Variants in PTPRD observed in about 807,000 individuals in gnomAD.
PTPRD encodes the protein receptor-type tyrosine-protein phosphatase delta.
A neutral mutation model predicts 214.5 loss-of-function variants in PTPRD; 34 were observed. That is an observed-to-expected ratio of 0.16 (90% CI 0.12 to 0.21). PTPRD has a LOEUF of 0.21. Ranked by LOEUF, PTPRD falls within the 10% of genes least tolerant of loss-of-function variation. The pLI is 1.00. For missense variants in PTPRD, 2,545 were observed against 2,398.7 expected, an observed-to-expected ratio of 1.06 and a Z score of -1.27; for synonymous variants, 1,128 against 845.7, an observed-to-expected ratio of 1.33 and a Z score of -5.79.
In PTPRD at chr9:10,385,587, G is replaced by T. The variant is rs111236856; in HGVS notation, c.-599-44570C>A. Among the ~76,000 whole-genome samples, 321 of 151,822 alleles carry T rather than the reference G, an allele frequency of 2.1e-3. 1 individual carries two copies. Among genetic ancestry groups the T allele is most frequent in the African/African-American group, 7.4e-3 (307 of 41,478 alleles). On this transcript the variant is annotated intron_variant, in intron 2 of 45. Transcript: ENST00000381196. ...GAAAGATGTTATTGTGGAATATGAA[G>T]GGCTTTTTTCTCGGAGAGTCCTGAC...
At chr9:8,462,348 T>C (rs2134263874) in intron 32 of PTPRD, among the ~76,000 whole-genome samples, 1 of 152,116 alleles carries the variant, frequency 6.6e-6, no homozygotes, top group East Asian at 1.9e-4. Context: ...GCCACTTTTC[T>C]TTAGGCCCTT....
chr9:9,721,060 A>T (rs2097929488), intron 7 of PTPRD, among the ~76,000 whole-genome samples: 1 of 152,162 alleles, frequency 6.6e-6, no homozygotes, highest in Non-Finnish European at 1.5e-5. Flanking sequence ...TAGGTGATAA[A>T]ATAATCTGTA....
intron 44 of PTPRD, among the ~76,000 whole-genome samples, chr9:8,330,889 C>CTAAAATATATTAGTTT (rs1554698784): frequency 3.3e-5 from 5 of 150,004 alleles, no homozygotes; most frequent in Non-Finnish European, 5.9e-5. Context: ...TGCCAGAACC[C>CTAAAATATATTAGTTT]TAAAATATAT....
intron 5 of PTPRD, among the ~76,000 whole-genome samples, chr9:9,935,412 A>G (rs2088830284): frequency 1.3e-5 from 2 of 152,100 alleles, no homozygotes; most frequent in Admixed American, 6.5e-5. Context: ...AAAAATCACA[A>G]GCATTCTTAT....
At chr9:10,072,046 G>C (rs2098030794) in intron 3 of PTPRD, among the ~76,000 whole-genome samples, 1 of 151,730 alleles carries the variant, frequency 6.6e-6, no homozygotes, top group South Asian at 2.1e-4. Flanking sequence ...ATTATACTCT[G>C]TAAAAGAGAA....
At position 10,123,645 on chromosome 9, in the gene PTPRD, C is replaced by T. The variant is rs558814818; in HGVS notation, c.-544-89855G>A. ...GGACTTTTAAAAGATGAGGGAAAAA[C>T]GTGGGCAGATCAATAAAAGAACACC... On this transcript the variant is annotated intron_variant, in intron 3 of 45. Coordinates refer to ENST00000381196, the MANE Select transcript of PTPRD (RefSeq NM_002839.4). 4.6e-5 allele frequency among the ~76,000 whole-genome samples: 7 copies of T among 152,136 alleles called. No homozygotes were observed. In the East Asian group the frequency reaches 5.8e-4, roughly 13 times the overall value.
At chr9:9,553,735 T>C (rs1289526415) in intron 8 of PTPRD, among the ~76,000 whole-genome samples, 2 of 152,024 alleles carry the variant, frequency 1.3e-5, no homozygotes, top group Non-Finnish European at 2.9e-5. Flanking sequence ...AGGAAGAAAA[T>C]ATTAAGTTTT....
intron 2 of PTPRD, among the ~76,000 whole-genome samples, chr9:10,507,354 A>C (rs896442342): frequency 6.6e-6 from 1 of 152,106 alleles, no homozygotes; most frequent in Non-Finnish European, 1.5e-5. Flanking sequence ...AATCAATATC[A>C]TGAAAATGGC....
rs937279004 is a variant in PTPRD, at chr9:8,316,382, T to G, written c.*1492A>C. ...AAACTAAAACCAAAACGAAACAAAG[T>G]ACAGCACTTCCCAGGAATGCTGTAT... On this transcript the variant is annotated 3_prime_UTR_variant, in exon 46 of 46. Transcript: ENST00000381196. 1.0e-4 allele frequency: 24 copies of G among 231,480 alleles called. No homozygotes were observed. The highest frequency in any genetic ancestry group is 3.8e-4 in the African/African-American group (17 of 45,188). The allele number at this position is 231,480 out of a possible 1,614,324, so 14.3% of individuals were successfully genotyped here.
chr9:9,071,596 A>C (rs1486586829), intron 10 of PTPRD, among the ~76,000 whole-genome samples: 1 of 152,128 alleles, frequency 6.6e-6, no homozygotes, highest in Non-Finnish European at 1.5e-5. Context: ...CAATCAGCAA[A>C]GGGTGGGGGC....
At chr9:9,663,739 C>A (rs899673379) in intron 7 of PTPRD, among the ~76,000 whole-genome samples, 1 of 151,536 alleles carries the variant, frequency 6.6e-6, no homozygotes, top group East Asian at 1.9e-4. Context: ...GAACTTCACA[C>A]AGCTGTATTA....
intron 3 of PTPRD, among the ~76,000 whole-genome samples, chr9:10,112,362 C>G (rs948795758): frequency 7.9e-5 from 12 of 151,984 alleles, no homozygotes; most frequent in African/African-American, 2.9e-4. Context: ...GTTTGCCTTG[C>G]CAAAAACAAA....
chr9:9,527,238 T>G (rs913115524), intron 8 of PTPRD, among the ~76,000 whole-genome samples: 10 of 152,202 alleles, frequency 6.6e-5, no homozygotes, highest in African/African-American at 2.4e-4. Flanking sequence ...TACACTACAC[T>G]ATGGTAGTAT....
chr9:10,017,709 T>C (rs913396604), intron 4 of PTPRD, among the ~76,000 whole-genome samples: 1 of 152,154 alleles, frequency 6.6e-6, no homozygotes, highest in Non-Finnish European at 1.5e-5. Flanking sequence ...CTTTCTGGAA[T>C]CTGTATTCTG....
chr9:10,366,853 T>C (rs1312739267), intron 2 of PTPRD, among the ~76,000 whole-genome samples: 1 of 152,150 alleles, frequency 6.6e-6, no homozygotes, highest in African/African-American at 2.4e-5. Context: ...AACATTTTAC[T>C]TGAAATCACT....
intron 7 of PTPRD, among the ~76,000 whole-genome samples, chr9:9,625,241 G>A (rs2095383025): frequency 6.6e-6 from 1 of 152,192 alleles, no homozygotes; most frequent in Admixed American, 6.5e-5. Context: ...CACAAGGCCA[G>A]AAGAGTGTGG....
At chr9:10,143,850 C>T (rs908371876) in intron 3 of PTPRD, among the ~76,000 whole-genome samples, 1 of 151,890 alleles carries the variant, frequency 6.6e-6, no homozygotes, top group Non-Finnish European at 1.5e-5. Context: ...GGGAACTAAT[C>T]GTTGAGTACA....
At chr9:8,845,008 T>C (rs1047739584) in intron 11 of PTPRD, among the ~76,000 whole-genome samples, 7 of 152,184 alleles carry the variant, frequency 4.6e-5, no homozygotes. Flanking sequence ...GTGCAAATTA[T>C]ACTTGCACTG....
chr9:9,283,872 C>A (rs1948566576), intron 9 of PTPRD, among the ~76,000 whole-genome samples: 1 of 151,572 alleles, frequency 6.6e-6, no homozygotes, highest in South Asian at 2.1e-4. Context: ...GTTCAATATA[C>A]TTACGCAGAG....
Sources: allele counts gnomAD v4.1 joint callset (sites outside exome capture counted in the v4.1 genomes callset), GRCh38; gene constraint gnomAD v4.1.1; transcripts MANE v1.5; gene names NCBI Gene and HGNC (gene_info 2026-07-23, HGNC 2026-07-21).